Variants in CFAP20DC observed in about 807,000 individuals in gnomAD.
CFAP20DC encodes CFAP20 domain containing.
Under a neutral mutation model 101.7 loss-of-function variants are expected in CFAP20DC, and 84 were observed. The ratio of observed to expected loss-of-function variants is 0.83; its 90% CI spans 0.69 to 0.99. The LOEUF is 0.99. CFAP20DC is among the 50% of genes least tolerant of loss of function. The pLI is 0.00. For missense variants in CFAP20DC, 1,007 were observed against 970.3 expected, an observed-to-expected ratio of 1.04 and a Z score of -0.50; for synonymous variants, 359 against 351.2, an observed-to-expected ratio of 1.02 and a Z score of -0.25.
chr3:58,983,168 C>T (rs2092634828), intron 4 of CFAP20DC, among the ~76,000 whole-genome samples: 1 of 152,102 alleles, frequency 6.6e-6, no homozygotes, highest in Non-Finnish European at 1.5e-5. Context: ...AATTCTTTGC[C>T]AGAATCATTT....
At chr3:58,733,854 C>T (rs1332107637) in intron 3 of CFAP20DC, among the ~76,000 whole-genome samples, 2 of 152,172 alleles carry the variant, frequency 1.3e-5, no homozygotes, top group East Asian at 3.8e-4. Context: ...CTAATGGTCC[C>T]ATTTTTTTCA....
intron 4 of CFAP20DC, among the ~76,000 whole-genome samples, chr3:59,022,302 G>A (rs1026224340): frequency 1.3e-5 from 2 of 152,012 alleles, no homozygotes; most frequent in Admixed American, 1.3e-4. Context: ...CTAAGAAACT[G>A]CATCCTGAGA....
At chr3:58,751,039 T>A (rs753244286) in intron 16 of CFAP20DC, among the ~76,000 whole-genome samples, 1 of 152,082 alleles carries the variant, frequency 6.6e-6, no homozygotes, top group East Asian at 1.9e-4. Flanking sequence ...CCCACGCTTG[T>A]AATAAAAAAA....
In CFAP20DC at chr3:58,964,944, C is replaced by T. The variant is rs2091424378; in HGVS notation, c.279-27182G>A. On this transcript the variant is annotated intron_variant, in intron 4 of 16. Transcript: ENST00000482387. The surrounding 1 kb of genome is among the most constrained non-coding windows in gnomAD (Gnocchi z 4.1). ...GAAATATTTTCTAAAAAGGTTCTGC[C>T]CAACCTACTACTCACATACTCACAT... Among the ~76,000 whole-genome samples, 1 of 152,122 alleles carries T rather than the reference C, an allele frequency of 6.6e-6. No homozygotes were observed. Among genetic ancestry groups the T allele is most frequent in the African/African-American group, 2.4e-5 (1 of 41,422 alleles).
intron 13 of CFAP20DC, among the ~76,000 whole-genome samples, chr3:58,841,470 G>A (rs1486253405): frequency 2.6e-5 from 4 of 152,168 alleles, no homozygotes; most frequent in Non-Finnish European, 4.4e-5. Flanking sequence ...ACAAATTGCA[G>A]AGACTTTTAT....
chr3:58,951,832 C>T (rs1372391891), intron 4 of CFAP20DC, among the ~76,000 whole-genome samples: 2 of 152,106 alleles, frequency 1.3e-5, no homozygotes, highest in Non-Finnish European at 2.9e-5. Flanking sequence ...GGGTGCAGCA[C>T]ACCAACATGG....
At chr3:58,810,347 T>C (rs557447988) in intron 14 of CFAP20DC, among the ~76,000 whole-genome samples, 66 of 152,250 alleles carry the variant, frequency 4.3e-4, no homozygotes, top group African/African-American at 1.5e-3. Context: ...TCAAAAAGCT[T>C]ATCCACCATG....
intron 4 of CFAP20DC, among the ~76,000 whole-genome samples, chr3:59,008,259 G>A (rs1900620): frequency 7.2e-5 from 11 of 152,056 alleles, no homozygotes; most frequent in African/African-American, 1.4e-4. Context: ...GGACAGGAGC[G>A]AGGCTGTGAG....
chr3:58,822,296 A>C (rs555902177), intron 14 of CFAP20DC, among the ~76,000 whole-genome samples: 1,946 of 116,918 alleles, frequency 0.017, 17 homozygotes, highest in South Asian at 0.071. Context: ...AAAGTATAAT[A>C]AAAAAAAATC....
chr3:58,906,537 C>T (rs569226751), intron 6 of CFAP20DC, among the ~76,000 whole-genome samples: 10 of 152,272 alleles, frequency 6.6e-5, no homozygotes, highest in Admixed American at 6.5e-4. Context: ...GATGCCATGG[C>T]TTTATACATA....
chr3:58,831,611 C>A, intron 14 of CFAP20DC, 75 bp downstream of exon 14: 3 of 1,319,714 alleles, frequency 2.3e-6, no homozygotes, highest in Non-Finnish European at 3.2e-6. Flanking sequence ...CTTTTCCAGG[C>A]AAAGCTGGGA....
Position 58,831,778 on chromosome 3 carries a change from G to A in CFAP20DC, c.2083C>T (p.His695Tyr), listed in dbSNP as rs776557031. The A allele has an allele frequency of 7.4e-6, 12 of 1,613,834 alleles. No individual in the cohort carries two copies. The South Asian group carries it at 1.1e-4, about 15-fold the overall frequency. ...NEELEDAGTSHGLSASQVDNC... is the reference protein window; with the variant it reads ...NEELEDAGTSYGLSASQVDNC... ...TCCACCTGGGAGGCACTCAGGCCAT[G>A]GGAGGTCCCAGCATCCTCCAGTTCT... Residue 695 changes from histidine (H) to tyrosine (Y), a missense_variant, in exon 14 of 17, where the codon CAT (histidine) becomes TAT (tyrosine). By Grantham distance (83) the His-to-Tyr change is moderately conservative. Coordinates refer to ENST00000482387, the MANE Select transcript of CFAP20DC (RefSeq NM_001394063.1).
intron 15 of CFAP20DC, among the ~76,000 whole-genome samples, chr3:58,779,615 A>T (rs952278913): frequency 6.6e-6 from 1 of 152,228 alleles, no homozygotes. Context: ...CAGAAGAAAG[A>T]ATCTCAGAAC....
chr3:58,867,687 C>T, intron 10 of CFAP20DC, 130 bp downstream of exon 10: 2 of 1,125,050 alleles, frequency 1.8e-6, no homozygotes, highest in Admixed American at 2.3e-5. Context: ...TTTCCATAAT[C>T]CTTGTAGAAC....
At chr3:58,747,603 G>A (rs1351476863) in intron 16 of CFAP20DC, among the ~76,000 whole-genome samples, 1 of 152,004 alleles carries the variant, frequency 6.6e-6, no homozygotes, top group African/African-American at 2.4e-5. Flanking sequence ...TATAGATCTT[G>A]AGAACTGATT....
chr3:58,849,379 G>T lies in CFAP20DC; in HGVS notation c.1624C>A (p.Pro542Thr). The change falls in exon 13 of 17, where the codon CCA (proline) becomes ACA (threonine). Residue 542 changes from proline to threonine, a missense_variant. Coordinates refer to ENST00000482387, the MANE Select transcript of CFAP20DC (RefSeq NM_001394063.1). ...GTTAACTCTGAAGGACCAGTTGTTGGGCCTCGAGAACCCTGGATACTGTGG... is the reference window on the plus strand; with the variant it reads ...GTTAACTCTGAAGGACCAGTTGTTGTGCCTCGAGAACCCTGGATACTGTGG... ...GNHSIQGSRG[P>T]TTGPSELTQL... 6.5e-7 allele frequency: 1 copy of T among 1,535,266 alleles called. No homozygotes were observed. The highest frequency in any genetic ancestry group is 2.0e-5 in the Admixed American group (1 of 50,898).
chr3:58,723,950 C>T (rs151104887), intron 3 of CFAP20DC, among the ~76,000 whole-genome samples: 188 of 152,254 alleles, frequency 1.2e-3, no homozygotes, highest in East Asian at 8.5e-3. Flanking sequence ...GTGCCTTAGG[C>T]GCACATTTTT....
At chr3:58,737,573 C>G (rs564420281), downstream of CFAP20DC, among the ~76,000 whole-genome samples, 4 of 152,256 alleles carry the variant, frequency 2.6e-5, no homozygotes, top group African/African-American at 9.6e-5. This position sits in a 1 kb window ranked among gnomAD's most constrained non-coding sequence, Gnocchi z 4.1. Context: ...GCATGTTAGT[C>G]TATTAAAGCC....
At position 58,992,147 on chromosome 3, in the gene CFAP20DC, C is replaced by CA. The variant is rs1455947239; in HGVS notation, c.278+47409dup. ...ATGACATGCCTAGGGTCTCAGCCAGCAAATGGTAAAGCTGAGATTCAAACC... is the reference window on the plus strand; with the variant it reads ...ATGACATGCCTAGGGTCTCAGCCAGCAAAATGGTAAAGCTGAGATTCAAACC... On this transcript the variant is annotated intron_variant, in intron 4 of 16. Coordinates refer to ENST00000482387, the MANE Select transcript of CFAP20DC (RefSeq NM_001394063.1). Among the ~76,000 whole-genome samples, 6 of 152,138 alleles carry CA rather than the reference C, an allele frequency of 3.9e-5. No homozygotes were observed. In the East Asian group the frequency reaches 1.2e-3, roughly 29 times the overall value.
Sources: gnomAD v4.1 joint callset for allele counts (sites outside exome capture counted in the v4.1 genomes callset) on GRCh38, gnomAD v4.1.1 for gene constraint, Gnocchi (gnomAD v3.1) non-coding constraint, MANE v1.5 for transcripts, NCBI Gene and HGNC (gene_info 2026-07-23, HGNC 2026-07-21) for gene names.